TRPM8: variants seen among roughly 807,000 people sequenced by gnomAD.
TRPM8 encodes the protein transient receptor potential cation channel subfamily M member 8, also known as TRPM8 cationic channel.
TRPM8 carries 110 observed loss-of-function variants against 133.7 expected under a neutral mutation model. The ratio of observed to expected loss-of-function variants is 0.82; its 90% CI spans 0.70 to 0.96. The LOEUF is 0.96. Ranked by LOEUF, TRPM8 falls within the 40% of genes least tolerant of loss-of-function variation. The pLI, the probability that TRPM8 is intolerant of heterozygous loss-of-function variation, is 0.00. For missense variants in TRPM8, 1,291 were observed against 1,379.5 expected, an observed-to-expected ratio of 0.94 and a Z score of 1.02; for synonymous variants, 535 against 532.3, an observed-to-expected ratio of 1.01 and a Z score of -0.07.
intron 21 of TRPM8, among the ~76,000 whole-genome samples, chr2:233,994,208 T>C (rs1371341637): frequency 6.6e-6 from 1 of 152,214 alleles, no homozygotes; most frequent in African/African-American, 2.4e-5. Context: ...ACGTGTCTCG[T>C]TGCAGCCGCA....
chr2:233,966,615 T>C lies in TRPM8; in HGVS notation c.1885T>C (p.Phe629Leu). ...CTGTGCTGATGTCGCTGTAGAGCTG[T>C]TCACTGAGTGTTACAGCAGCGATGA... ...NEYETRAVEL[F>L]TECYSSDEDL... Residue 629 changes from phenylalanine (F) to leucine (L), a missense_variant, in exon 15 of 26, where the codon TTC (phenylalanine) becomes CTC (leucine). Phe to Leu is a conservative substitution (Grantham distance 22). Coordinates refer to ENST00000324695, the MANE Select transcript of TRPM8 (RefSeq NM_024080.5). The C allele has an allele frequency of 1.2e-6, 2 of 1,614,118 alleles. No homozygotes were observed. Among genetic ancestry groups the C allele is most frequent in the Middle Eastern group, 1.6e-4 (1 of 6,062 alleles).
intron 24 of TRPM8, among the ~76,000 whole-genome samples, chr2:234,009,604 C>T (rs1416100734): frequency 6.6e-6 from 1 of 152,176 alleles, no homozygotes. Context: ...CAGCGCAGAG[C>T]CTCGGCCATC....
intron 9 of TRPM8, among the ~76,000 whole-genome samples, chr2:233,952,423 G>A (rs548731503): frequency 6.6e-6 from 1 of 152,170 alleles, no homozygotes; most frequent in South Asian, 2.1e-4. Flanking sequence ...AGTGATGTGG[G>A]AGCCAAGATC....
intron 17 of TRPM8, among the ~76,000 whole-genome samples, chr2:233,971,129 TGTC>T (rs1267092660): frequency 2.0e-5 from 3 of 152,222 alleles, no homozygotes; most frequent in Admixed American, 1.3e-4. Context: ...CTACTGTTGT[TGTC>T]GTCACTGTTG....
chr2:234,003,535 C>CA (rs1692620891), intron 22 of TRPM8, among the ~76,000 whole-genome samples: 1 of 152,200 alleles, frequency 6.6e-6, no homozygotes, highest in Non-Finnish European at 1.5e-5. Context: ...TGACATGCCT[C>CA]AGGACTCTCA....
intron 17 of TRPM8, among the ~76,000 whole-genome samples, chr2:233,971,964 C>A (rs1238445494): frequency 1.3e-5 from 2 of 152,074 alleles, no homozygotes; most frequent in African/African-American, 4.8e-5. Context: ...CTGATTGGTG[C>A]GTTTACAATC....
At chr2:233,940,873 A>G (rs1461100484) in intron 5 of TRPM8, among the ~76,000 whole-genome samples, 1 of 152,204 alleles carries the variant, frequency 6.6e-6, no homozygotes, top group Non-Finnish European at 1.5e-5. Flanking sequence ...CAGGTGTTCT[A>G]TGGCGTGGGG....
In TRPM8 at chr2:234,014,874, A is replaced by G. The variant is rs141607982; in HGVS notation, c.*42+220A>G. On this transcript the variant is annotated intron_variant, in intron 25 of 25. Transcript: ENST00000324695. Reference sequence around the variant, plus strand: ...ACCAATTTTGCTGCCCACACCAGGGATTAGCATTGCTACGAGCAGGGTGTA... The same window carrying G: ...ACCAATTTTGCTGCCCACACCAGGGGTTAGCATTGCTACGAGCAGGGTGTA... Among the ~76,000 whole-genome samples, 576 of 151,998 alleles carry G rather than the reference A, an allele frequency of 3.8e-3. 3 individuals carry two copies. The highest frequency in any genetic ancestry group is 0.014 in the African/African-American group (560 of 41,448).
chr2:234,004,272 G>A (rs1692637949), intron 22 of TRPM8, among the ~76,000 whole-genome samples: 2 of 152,234 alleles, frequency 1.3e-5, no homozygotes, highest in African/African-American at 4.8e-5. Flanking sequence ...CAGAAGGACA[G>A]GATCTTTCTC....
chr2:233,984,464 T>C (rs1182869727), intron 20 of TRPM8, among the ~76,000 whole-genome samples: 2 of 152,226 alleles, frequency 1.3e-5, no homozygotes, highest in Non-Finnish European at 2.9e-5. Context: ...CACACAGTTG[T>C]GTGAACAGAG....
intron 11 of TRPM8, among the ~76,000 whole-genome samples, chr2:233,958,602 T>C (rs1346329964): frequency 6.6e-6 from 1 of 152,092 alleles, no homozygotes; most frequent in Admixed American, 6.6e-5. Flanking sequence ...GGAAAGGCCA[T>C]TGGATTTAGA....
intron 3 of TRPM8, among the ~76,000 whole-genome samples, chr2:233,932,066 G>A (rs865869501): frequency 1.1e-4 from 16 of 152,156 alleles, no homozygotes; most frequent in Admixed American, 3.3e-4. Flanking sequence ...GTTGCTTTGG[G>A]CAGAACAAAT....
chr2:233,926,314 G>C (rs1372764005), intron 1 of TRPM8, among the ~76,000 whole-genome samples: 1 of 152,196 alleles, frequency 6.6e-6, no homozygotes, highest in African/African-American at 2.4e-5. Flanking sequence ...TGAGGGGCCA[G>C]GGAGGATGGG....
At chr2:233,991,124 G>A (rs1367513466) in intron 21 of TRPM8, among the ~76,000 whole-genome samples, 2 of 152,080 alleles carry the variant, frequency 1.3e-5, no homozygotes, top group East Asian at 3.8e-4. Flanking sequence ...AGTCTAGGGA[G>A]GAATCAGCAG....
At chr2:233,985,295 G>T (rs1010702815) in intron 20 of TRPM8, among the ~76,000 whole-genome samples, 1 of 152,170 alleles carries the variant, frequency 6.6e-6, no homozygotes, top group Non-Finnish European at 1.5e-5. Context: ...TTGGGAAGCT[G>T]CTCCTGGATG....
At chr2:233,996,616 T>A (rs560644411) in intron 22 of TRPM8, 100 bp downstream of exon 22, 11 of 1,096,894 alleles carry the variant, frequency 1.0e-5, no homozygotes, top group Non-Finnish European at 1.5e-5. Context: ...TATTCACAGA[T>A]CTTTCACTGT....
chr2:233,964,289 C>G (rs1316130366), intron 13 of TRPM8, among the ~76,000 whole-genome samples: 1 of 152,108 alleles, frequency 6.6e-6, no homozygotes, highest in South Asian at 2.1e-4. Flanking sequence ...TGGTGGCTCA[C>G]ACCTGTAATC....
intron 8 of TRPM8, 103 bp from the exon 9 acceptor site, chr2:233,949,846 A>T: frequency 1.0e-6 from 1 of 958,148 alleles, no homozygotes; most frequent in Non-Finnish European, 1.6e-6. Context: ...ACGTGTAGGG[A>T]TGTGTCCGTG....
At position 233,950,079 on chromosome 2, in the gene TRPM8, T is replaced by G. The variant is rs1691137785; in HGVS notation, c.1073T>G (p.Leu358Arg). ...ALTSSAVKEK[L>R]VRFLPRTVSR... Reference sequence around the variant, plus strand: ...ACATCTTCTGCCGTCAAGGAGAAGCTGGTGCGCTTTTTACCCCGCACGGTG... The same window carrying G: ...ACATCTTCTGCCGTCAAGGAGAAGCGGGTGCGCTTTTTACCCCGCACGGTG... The change falls in exon 9 of 26, where the codon CTG becomes CGG. Residue 358 changes from leucine to arginine, a missense_variant. Coordinates refer to ENST00000324695, the MANE Select transcript of TRPM8 (RefSeq NM_024080.5). 6.2e-7 allele frequency: 1 copy of G among 1,614,024 alleles called. No homozygotes were observed. Among genetic ancestry groups the G allele is most frequent in the Non-Finnish European group, 8.5e-7 (1 of 1,180,048 alleles).
Sources: gnomAD v4.1 joint callset for allele counts (sites outside exome capture counted in the v4.1 genomes callset) on GRCh38, gnomAD v4.1.1 for gene constraint, MANE v1.5 for transcripts, NCBI Gene and HGNC (gene_info 2026-07-23, HGNC 2026-07-21) for gene names.